ADGRL3: variants seen among roughly 807,000 people sequenced by gnomAD.
The protein encoded by ADGRL3 is adhesion G protein-coupled receptor L3.
In ADGRL3, 62 loss-of-function variants were observed where a neutral mutation model predicts 153.5. The ratio of observed to expected loss-of-function variants is 0.40; its 90% CI spans 0.33 to 0.50. The LOEUF is 0.50. Among genes scored for constraint, ADGRL3 ranks in the 20% least tolerant of loss-of-function variants. ADGRL3 has a pLI of 0.47. For synonymous variants in ADGRL3, 710 were observed against 672.5 expected (o/e 1.06, Z -0.86); for missense variants, 1,641 against 1,859.4 (o/e 0.88, Z 2.16).
intron 6 of ADGRL3, among the ~76,000 whole-genome samples, chr4:61,679,574 T>C (rs150415322): frequency 2.6e-5 from 4 of 152,196 alleles, no homozygotes; most frequent in Non-Finnish European, 5.9e-5. Context: ...ATAGTTATAG[T>C]TTATTGACAC....
At chr4:62,065,085 A>G (rs988444706) in intron 25 of ADGRL3, among the ~76,000 whole-genome samples, 5 of 152,010 alleles carry the variant, frequency 3.3e-5, no homozygotes, top group African/African-American at 7.2e-5. Context: ...AGAATCTCAT[A>G]TATTCTATTG....
At chr4:61,889,595 A>G (rs1043559042) in intron 9 of ADGRL3, among the ~76,000 whole-genome samples, 8 of 152,362 alleles carry the variant, frequency 5.3e-5, no homozygotes, top group Admixed American at 3.3e-4. Context: ...AAAAAAATAA[A>G]GAACATTAAT....
At chr4:61,698,575 T>C (rs2095687154) in intron 6 of ADGRL3, among the ~76,000 whole-genome samples, 1 of 152,188 alleles carries the variant, frequency 6.6e-6, no homozygotes, top group Non-Finnish European at 1.5e-5. Flanking sequence ...GTTACACTCA[T>C]TCAAACTCTT....
chr4:61,400,199 G>C (rs184495240), intron 2 of ADGRL3, among the ~76,000 whole-genome samples: 54 of 151,622 alleles, frequency 3.6e-4, no homozygotes, highest in African/African-American at 1.1e-3. Flanking sequence ...TATCTAGAAG[G>C]GTTAATTTTA....
At chr4:61,377,183 G>C (rs115743405) in intron 1 of ADGRL3, among the ~76,000 whole-genome samples, 1 of 151,882 alleles carries the variant, frequency 6.6e-6, no homozygotes, top group South Asian at 2.1e-4. Flanking sequence ...GAATGGTATA[G>C]TATCATATCC....
chr4:61,221,375 C>T (rs1014406687), intron 1 of ADGRL3, among the ~76,000 whole-genome samples: 2 of 152,228 alleles, frequency 1.3e-5, no homozygotes, highest in Non-Finnish European at 2.9e-5. Context: ...AGAACTTGCC[C>T]TTCAAAGGTG....
At chr4:62,065,906 C>A (rs998922419) in intron 25 of ADGRL3, among the ~76,000 whole-genome samples, 1 of 151,888 alleles carries the variant, frequency 6.6e-6, no homozygotes, top group African/African-American at 2.4e-5. Flanking sequence ...TTCTTGGGAT[C>A]TATGACTGGT....
intron 1 of ADGRL3, among the ~76,000 whole-genome samples, chr4:61,335,686 T>C (rs1358633878): frequency 6.6e-6 from 1 of 152,178 alleles, no homozygotes; most frequent in Admixed American, 6.5e-5. Flanking sequence ...AATGTTCAAA[T>C]ATATATCAGG....
intron 9 of ADGRL3, among the ~76,000 whole-genome samples, chr4:61,835,337 G>GAAAAAAAAA (rs34440166): frequency 1.1e-3 from 36 of 33,040 alleles, no homozygotes; most frequent in African/African-American, 1.4e-3. Context: ...TGGCAAGACT[G>GAAAAAAAAA]AAAAAAAAAA....
intron 8 of ADGRL3, among the ~76,000 whole-genome samples, chr4:61,777,759 A>ATTAT (rs1448257020): frequency 3.9e-5 from 6 of 152,052 alleles, no homozygotes; most frequent in Non-Finnish European, 2.9e-5. Context: ...TCTAGTATTT[A>ATTAT]TTATTTATTT....
chr4:61,277,633 T>TTCC lies in ADGRL3; in HGVS notation c.-240+75869_-240+75871dup, dbSNP rs1388621801. ...TTGAATAGGAGTCTAAAGATCTTAA[T>TTCC]TCCAGTTCCAGAGCCACGCCTTGCC... On this transcript the variant is annotated intron_variant, in intron 1 of 26. Transcript: ENST00000683033. 2.0e-5 allele frequency among the ~76,000 whole-genome samples: 3 copies of TTCC among 152,224 alleles called. No homozygotes were observed. The East Asian group carries it at 5.8e-4, about 29-fold the overall frequency.
At chr4:61,262,031 T>A (rs1385099398) in intron 1 of ADGRL3, among the ~76,000 whole-genome samples, 1 of 152,008 alleles carries the variant, frequency 6.6e-6, no homozygotes, top group Non-Finnish European at 1.5e-5. Context: ...AAGGGCTTAG[T>A]AAACTATGTT....
rs180729588 is a variant in ADGRL3, at chr4:61,377,870, C to T, written c.-239-5254C>T. 6.4e-3 allele frequency among the ~76,000 whole-genome samples: 967 copies of T among 152,038 alleles called. 6 individuals carry two copies. Among genetic ancestry groups the T allele is most frequent in the Non-Finnish European group, 9.0e-3 (610 of 67,922 alleles). ...TTTGAGTACTGCTTTCACTGCATCC[C>T]ATAAATTTTGCTATGGTGTGCTTTT... On this transcript the variant is annotated intron_variant, in intron 1 of 26. Coordinates refer to ENST00000683033, the MANE Select transcript of ADGRL3 (RefSeq NM_001387552.1).
chr4:61,564,212 A>G (rs533987607), intron 4 of ADGRL3, among the ~76,000 whole-genome samples: 6 of 151,942 alleles, frequency 3.9e-5, no homozygotes, highest in African/African-American at 7.2e-5. Flanking sequence ...CTTTCTCTCA[A>G]CAATAAGGCT....
At chr4:61,912,137 A>G (rs1401542393) in intron 12 of ADGRL3, among the ~76,000 whole-genome samples, 1 of 152,196 alleles carries the variant, frequency 6.6e-6, no homozygotes, top group African/African-American at 2.4e-5. Context: ...TCAGAAAATC[A>G]CATCCTTTCA....
chr4:61,224,674 C>T (rs1259205130), intron 1 of ADGRL3, among the ~76,000 whole-genome samples: 1 of 152,170 alleles, frequency 6.6e-6, no homozygotes, highest in Non-Finnish European at 1.5e-5. Context: ...AGGCCACCTC[C>T]TTGAATTCTC....
chr4:61,288,371 G>C (rs1266488940), intron 1 of ADGRL3, among the ~76,000 whole-genome samples: 1 of 121,556 alleles, frequency 8.2e-6, no homozygotes, highest in Non-Finnish European at 1.8e-5. Context: ...CCTTGAAATT[G>C]AATCATCAAG....
intron 9 of ADGRL3, among the ~76,000 whole-genome samples, chr4:61,885,237 A>T (rs1332474671): frequency 6.6e-6 from 1 of 152,052 alleles, no homozygotes; most frequent in Non-Finnish European, 1.5e-5. Flanking sequence ...CTGAAACAGG[A>T]GAATCGCTTG....
At chr4:61,457,731 G>A (rs2097769269) in intron 2 of ADGRL3, among the ~76,000 whole-genome samples, 1 of 151,770 alleles carries the variant, frequency 6.6e-6, no homozygotes, top group Non-Finnish European at 1.5e-5. Context: ...TTGAGCTTTA[G>A]GAAAATTATT....
Sources: gnomAD v4.1 joint callset for allele counts (sites outside exome capture counted in the v4.1 genomes callset) on GRCh38, gnomAD v4.1.1 for gene constraint, MANE v1.5 for transcripts, NCBI Gene and HGNC (gene_info 2026-07-23, HGNC 2026-07-21) for gene names.